Variants in DACT2 observed in about 807,000 individuals in gnomAD.
The protein encoded by DACT2 is dishevelled binding antagonist of beta catenin 2, also known as dapper homolog 2.
In DACT2, 20 loss-of-function variants were observed where a neutral mutation model predicts 22.2. The ratio of observed to expected loss-of-function variants is 0.90; its 90% CI spans 0.63 to 1.31. The LOEUF is 1.31. Ranked by LOEUF, DACT2 falls within the 50% of genes most tolerant of loss-of-function variation. The pLI, the probability that DACT2 is intolerant of heterozygous loss-of-function variation, is 0.00. For missense variants in DACT2, 1,048 were observed against 1,061.4 expected, an observed-to-expected ratio of 0.99 and a Z score of 0.18; for synonymous variants, 463 against 479.8, an observed-to-expected ratio of 0.96 and a Z score of 0.46.
intron 1 of DACT2, among the ~76,000 whole-genome samples, chr6:168,312,173 C>A (rs2114914995): frequency 6.6e-6 from 1 of 152,292 alleles, no homozygotes; most frequent in South Asian, 2.1e-4. Flanking sequence ...GGAATAAATG[C>A]AGCTTGAAAA....
At chr6:168,302,522 T>C (rs1047039466), downstream of DACT2, among the ~76,000 whole-genome samples, 9 of 152,204 alleles carry the variant, frequency 5.9e-5, no homozygotes, top group Non-Finnish European at 1.2e-4. Flanking sequence ...TTAACTCAAT[T>C]GAGGTAAAAA....
intron 3 of DACT2, chr6:168,300,075 C>T (rs1254642496): frequency 1.3e-5 from 2 of 151,708 alleles, no homozygotes; most frequent in Non-Finnish European, 2.9e-5. Context: ...ACTTCAGAGA[C>T]CCCCCGTAAG....
chr6:168,314,021 AC>A (rs1022388282), intron 1 of DACT2, among the ~76,000 whole-genome samples: 6 of 151,586 alleles, frequency 4.0e-5, no homozygotes, highest in Admixed American at 6.6e-5. Flanking sequence ...CGCGCTTGTA[AC>A]CCCGACCGCT....
chr6:168,296,171 G>A (rs528593108), intron 3 of DACT2, among the ~76,000 whole-genome samples: 5 of 147,576 alleles, frequency 3.4e-5, no homozygotes, highest in East Asian at 2.1e-4. Flanking sequence ...CCGGAATCAC[G>A]GAAAGAGCAG....
chr6:168,308,901 T>G lies in DACT2; in HGVS notation c.856A>C (p.Ser286Arg), dbSNP rs887363931. 1 of 1,550,656 alleles carries G rather than the reference T, an allele frequency of 6.4e-7. No homozygotes were observed. The highest frequency in any genetic ancestry group is 1.4e-5 in the African/African-American group (1 of 73,008). The change falls in exon 4 of 4, where the codon AGC (serine) becomes CGC (arginine). Residue 286 changes from serine (S) to arginine (R), a missense_variant. Physicochemically the swap from Ser to Arg is moderately radical, Grantham distance 110. Transcript: ENST00000366795. ...TCCTTAGTCAGGACAAACAGGGGGC[T>G]CTGTAGAGCCACGGCGTGCAGGGGG... Reference protein sequence around the residue: ...PSPLHAVALQSPLFVLTKETP... With the variant: ...PSPLHAVALQRPLFVLTKETP...
chr6:168,311,584 C>CACACAAACACACTCACACACAAA (rs1562498529), intron 1 of DACT2, among the ~76,000 whole-genome samples: 2 of 86,192 alleles, frequency 2.3e-5, no homozygotes, highest in African/African-American at 1.0e-4. Flanking sequence ...ACACACCCAT[C>CACACAAACACACTCACACACAAA]CACACACACA....
At chr6:168,294,407 T>G (rs1472772906) in intron 4 of DACT2, among the ~76,000 whole-genome samples, 1 of 151,322 alleles carries the variant, frequency 6.6e-6, no homozygotes, top group African/African-American at 2.4e-5. Flanking sequence ...GCACGTGGGG[T>G]TCACCTGGAG....
intron 3 of DACT2, among the ~76,000 whole-genome samples, chr6:168,309,421 G>GTAGACACAGGGTGCGGGGCCGTTTGCGTA (rs1337040686): frequency 1.1e-3 from 153 of 141,216 alleles, no homozygotes; most frequent in South Asian, 3.5e-3. Context: ...CCGTTTGCGT[G>GTAGACACAGGGTGCGGGGCCGTTTGCGTA]TAGACACAGG....
downstream of DACT2, among the ~76,000 whole-genome samples, chr6:168,306,503 C>T (rs571484744): frequency 4.8e-4 from 72 of 151,504 alleles, no homozygotes; most frequent in African/African-American, 1.6e-3. Context: ...AGTGCAGTGG[C>T]GCAATCTTGG....
At chr6:168,311,551 T>TACACACACACCCATACACAC (rs778387834) in intron 1 of DACT2, among the ~76,000 whole-genome samples, 2 of 97,826 alleles carry the variant, frequency 2.0e-5, no homozygotes, top group Admixed American at 1.0e-4. Context: ...CACACACACA[T>TACACACACACCCATACACAC]ACACACACTC....
Position 168,319,546 on chromosome 6 carries a change from G to C in DACT2, c.88C>G (p.Gln30Glu), listed in dbSNP as rs892989309. Residue 30 changes from glutamine to glutamate, a missense_variant, in exon 1 of 4, where the codon CAG (glutamine) becomes GAG (glutamate). Transcript: ENST00000366795. ...ARLRAAFAGL[Q>E]ELQGLRATQQ... ...GTGGCTCGCAGCCCCTGCAGCTCCT[G>C]CAGCCCCGCGAACGCCGCGCGCAAC... 7.3e-7 allele frequency: 1 copy of C among 1,376,770 alleles called. No homozygotes were observed. Among genetic ancestry groups the C allele is most frequent in the African/African-American group, 1.5e-5 (1 of 66,816 alleles). The allele number at this position is 1,376,770 out of a possible 1,614,324, so 85.3% of individuals were successfully genotyped here.
Position 168,311,165 on chromosome 6 carries a change from G to A in DACT2, c.366C>T (p.Ser122=). ...TASGEALDSD[S]RPSSGFYEMS... ...GCGCCCTGGTACCTGAGCTGGGCCTGCTGTCGCTGTCCAGGGCCTCCCCTG... is the reference window on the plus strand; with the variant it reads ...GCGCCCTGGTACCTGAGCTGGGCCTACTGTCGCTGTCCAGGGCCTCCCCTG... Residue 122 remains serine, a synonymous_variant, in exon 2 of 4, where the codon AGC becomes AGT. Coordinates refer to ENST00000366795, the MANE Select transcript of DACT2 (RefSeq NM_214462.5). 1.3e-6 allele frequency: 2 copies of A among 1,532,808 alleles called. No individual in the cohort carries two copies. Among genetic ancestry groups the A allele is most frequent in the Non-Finnish European group, 1.8e-6 (2 of 1,135,000 alleles). The allele number at this position is 1,532,808 out of a possible 1,614,324, so 95.0% of individuals were successfully genotyped here. A position where few individuals can be genotyped will look rare whatever the true frequency, so the allele number is the denominator to read the frequency against.
At chr6:168,306,074 A>G (rs1779199713), downstream of DACT2, among the ~76,000 whole-genome samples, 1 of 152,188 alleles carries the variant, frequency 6.6e-6, no homozygotes, top group Non-Finnish European at 1.5e-5. Context: ...CCAGACGTGA[A>G]GTTCCTTACA....
At chr6:168,301,130 G>A (rs561947524) in intron 3 of DACT2, among the ~76,000 whole-genome samples, 20 of 152,334 alleles carry the variant, frequency 1.3e-4, no homozygotes, top group African/African-American at 4.6e-4. Flanking sequence ...GCCTGTGACA[G>A]CGGCCAGCGA....
In DACT2 at chr6:168,309,241, A is replaced by G. The variant is rs1328438730; in HGVS notation, c.659-143T>C. ...CTCCTGGGTCCCATGGGAGACGGCGACTCACAGTCACTGAGGTCCGCGTGT... is the reference window on the plus strand; with the variant it reads ...CTCCTGGGTCCCATGGGAGACGGCGGCTCACAGTCACTGAGGTCCGCGTGT... On this transcript the variant is annotated intron_variant, in intron 3 of 3. Transcript: ENST00000366795. 2.0e-5 allele frequency: 26 copies of G among 1,309,802 alleles called. No homozygotes were observed. The Middle Eastern group carries it at 1.1e-3, about 55-fold the overall frequency. 81.1% of individuals were successfully genotyped at this position (1,309,802 alleles called of 1,614,324 possible). A position where few individuals can be genotyped will look rare whatever the true frequency, so the allele number is the denominator to read the frequency against.
At chr6:168,293,988 G>A (rs753493886) in intron 5 of DACT2, 2 of 703,274 alleles carry the variant, frequency 2.8e-6, no homozygotes, top group Non-Finnish European at 5.2e-6. Context: ...TGTGAGTAGA[G>A]GAGGTCCATC....
At chr6:168,302,858 A>G (rs535024921), downstream of DACT2, among the ~76,000 whole-genome samples, 1 of 152,146 alleles carries the variant, frequency 6.6e-6, no homozygotes, top group Non-Finnish European at 1.5e-5. Flanking sequence ...GGCGGGGCCC[A>G]TGTGACGTGA....
chr6:168,297,384 G>A (rs914166613), intron 3 of DACT2, among the ~76,000 whole-genome samples: 2 of 152,194 alleles, frequency 1.3e-5, no homozygotes, highest in African/African-American at 4.8e-5. Context: ...GTCCTCATGA[G>A]AGGAAGAGGG....
At chr6:168,301,001 AC>A (rs1261605706) in intron 3 of DACT2, among the ~76,000 whole-genome samples, 6 of 151,926 alleles carry the variant, frequency 3.9e-5, no homozygotes, top group African/African-American at 1.2e-4. Flanking sequence ...AAACAAACAA[AC>A]AAACAAAAAA....
Sources: gnomAD v4.1 joint callset for allele counts (sites outside exome capture counted in the v4.1 genomes callset) on GRCh38, gnomAD v4.1.1 for gene constraint, MANE v1.5 for transcripts, NCBI Gene and HGNC (gene_info 2026-07-23, HGNC 2026-07-21) for gene names.